The following STXBP5L variants were observed in gnomAD, a reference collection of about 807,000 sequenced individuals.
STXBP5L encodes syntaxin binding protein 5L.
In STXBP5L, 65 loss-of-function variants were observed where a neutral mutation model predicts 144.5. The ratio of observed to expected loss-of-function variants is 0.45; its 90% CI spans 0.37 to 0.55. The LOEUF (loss-of-function observed/expected upper bound fraction) is 0.55, where lower values mean the gene tolerates loss of function less well. Among genes scored for constraint, STXBP5L ranks in the 20% least tolerant of loss-of-function variants. The pLI is 0.00. For synonymous variants in STXBP5L, 505 were observed against 469.6 expected, an observed-to-expected ratio of 1.08 and a Z score of -0.97; for missense variants, 1,298 against 1,405.5, an observed-to-expected ratio of 0.92 and a Z score of 1.22.
chr3:120,962,547 T>C (rs1241414568), intron 3 of STXBP5L, among the ~76,000 whole-genome samples: 1 of 152,150 alleles, frequency 6.6e-6, no homozygotes, highest in Admixed American at 6.5e-5. Context: ...CTTTCCCCAT[T>C]TCGTGTTTTT....
At chr3:121,006,000 G>T (rs1381035804) in intron 3 of STXBP5L, among the ~76,000 whole-genome samples, 1 of 152,128 alleles carries the variant, frequency 6.6e-6, no homozygotes, top group African/African-American at 2.4e-5. Context: ...AATAGGTATG[G>T]TGTGGTGCTG....
At chr3:121,173,843 A>G (rs1053488826) in intron 9 of STXBP5L, among the ~76,000 whole-genome samples, 2 of 152,002 alleles carry the variant, frequency 1.3e-5, no homozygotes, top group South Asian at 2.1e-4. Flanking sequence ...TTTTCTCATA[A>G]TGTCATGACT....
intron 3 of STXBP5L, among the ~76,000 whole-genome samples, chr3:121,014,057 G>T (rs1167950501): frequency 1.3e-5 from 2 of 152,014 alleles, no homozygotes; most frequent in Admixed American, 1.3e-4. Flanking sequence ...CATATAGTTT[G>T]AAGTCAGGTA....
chr3:121,188,854 A>C (rs1042998943), intron 9 of STXBP5L, among the ~76,000 whole-genome samples: 1 of 152,236 alleles, frequency 6.6e-6, no homozygotes, highest in African/African-American at 2.4e-5. Context: ...TCAATATCAT[A>C]CTGAATGGGC....
chr3:121,244,544 T>A (rs1358696175), intron 14 of STXBP5L, among the ~76,000 whole-genome samples: 1 of 151,418 alleles, frequency 6.6e-6, no homozygotes, highest in African/African-American at 2.4e-5. Flanking sequence ...ATTTCCCAAG[T>A]TGGAGGAAAG....
At chr3:121,168,860 G>A (rs938644305) in intron 9 of STXBP5L, among the ~76,000 whole-genome samples, 3 of 152,058 alleles carry the variant, frequency 2.0e-5, no homozygotes, top group Admixed American at 6.6e-5. Flanking sequence ...GATACTCCTC[G>A]AGAAGAGCAT....
At chr3:121,065,254 C>T (rs942000192) in intron 5 of STXBP5L, among the ~76,000 whole-genome samples, 1 of 152,082 alleles carries the variant, frequency 6.6e-6, no homozygotes, top group Non-Finnish European at 1.5e-5. Flanking sequence ...TGGGTATATA[C>T]CCAGTAATGG....
intron 10 of STXBP5L, among the ~76,000 whole-genome samples, chr3:121,222,228 G>T (rs1056315622): frequency 6.6e-6 from 1 of 151,986 alleles, no homozygotes; most frequent in African/African-American, 2.4e-5. Context: ...TTTGAGAAAT[G>T]AAAAATGAAA....
chr3:121,042,006 T>TA (rs923358207), intron 4 of STXBP5L, among the ~76,000 whole-genome samples: 44 of 152,132 alleles, frequency 2.9e-4, no homozygotes, highest in African/African-American at 1.0e-3. Flanking sequence ...TGTTACTATA[T>TA]AGCATAATTT....
At chr3:121,016,038 CA>C (rs2108171988) in intron 3 of STXBP5L, among the ~76,000 whole-genome samples, 1 of 152,274 alleles carries the variant, frequency 6.6e-6, no homozygotes, top group South Asian at 2.1e-4. Flanking sequence ...AAGTCAAGAA[CA>C]AAGGCACAAA....
intron 22 of STXBP5L, among the ~76,000 whole-genome samples, chr3:121,390,905 A>T (rs1409253906): frequency 2.6e-5 from 4 of 151,852 alleles, no homozygotes; most frequent in Admixed American, 2.6e-4. Flanking sequence ...GTCTTCTCGT[A>T]TTTCCTGAAT....
rs189828116 is a variant in STXBP5L, at chr3:121,415,414, T to C, written c.3115-443T>C. On this transcript the variant is annotated intron_variant, in intron 24 of 26. Transcript: ENST00000471454. Reference sequence around the variant, plus strand: ...AAATTATCTTTAATCATTTTATAGTTTTGTACTCCTACAAAAATAGATCCA... The same window carrying C: ...AAATTATCTTTAATCATTTTATAGTCTTGTACTCCTACAAAAATAGATCCA... Among the ~76,000 whole-genome samples the C allele has an allele frequency of 3.2e-3, 486 of 152,276 alleles. 2 individuals carry two copies. Among genetic ancestry groups the C allele is most frequent in the African/African-American group, 0.011 (464 of 41,554 alleles).
intron 9 of STXBP5L, among the ~76,000 whole-genome samples, chr3:121,181,424 T>G (rs984682006): frequency 1.3e-5 from 2 of 152,176 alleles, no homozygotes; most frequent in South Asian, 4.1e-4. Flanking sequence ...AGATACAAAA[T>G]GGCAGAATGG....
chr3:121,404,033 T>C (rs762885533), intron 22 of STXBP5L, among the ~76,000 whole-genome samples: 7 of 152,162 alleles, frequency 4.6e-5, no homozygotes, highest in Non-Finnish European at 8.8e-5. Flanking sequence ...TTTATATTTA[T>C]AGTCTGGACC....
In STXBP5L at chr3:121,091,131, G is replaced by A. The variant is rs980484240; in HGVS notation, c.471-23794G>A. Among the ~76,000 whole-genome samples, 193 of 148,742 alleles carry A rather than the reference G, an allele frequency of 1.3e-3. 3 individuals are homozygous for A. The highest frequency in any genetic ancestry group is 4.7e-3 in the African/African-American group (185 of 39,692). ...ACTCATCATTTTTTATGGCTGCATA[G>A]TATTCCATGGTGTATATGTGCCACA... On this transcript the variant is annotated intron_variant, in intron 5 of 26. Coordinates refer to ENST00000471454, the MANE Select transcript of STXBP5L (RefSeq NM_001308330.2).
At chr3:120,990,985 C>G (rs1942797050) in intron 3 of STXBP5L, among the ~76,000 whole-genome samples, 1 of 152,158 alleles carries the variant, frequency 6.6e-6, no homozygotes. Context: ...CAAATGGGAT[C>G]TAATTAAACT....
intron 9 of STXBP5L, among the ~76,000 whole-genome samples, chr3:121,177,354 T>C (rs2046975899): frequency 6.6e-6 from 1 of 152,140 alleles, no homozygotes; most frequent in Admixed American, 6.6e-5. Flanking sequence ...TTCTAAATTA[T>C]ATATCTCATA....
In STXBP5L at chr3:121,254,964, A is replaced by G. The variant is rs2050158175; in HGVS notation, c.1511A>G (p.Lys504Arg). The G allele has an allele frequency of 1.2e-6, 2 of 1,613,510 alleles. No homozygotes were observed. The highest frequency in any genetic ancestry group is 1.7e-6 in the Non-Finnish European group (2 of 1,179,720). ...VFEKQKVGEG[K>R]QTCEIVEEDP... ...GAAAAACAGAAGGTAGGAGAAGGAA[A>G]ACAAACATGTGAAATTGTAGAGGAA... The change falls in exon 16 of 27, where the codon AAA becomes AGA. Residue 504 changes from lysine (K) to arginine (R), a missense_variant. Coordinates refer to ENST00000471454, the MANE Select transcript of STXBP5L (RefSeq NM_001308330.2).
intron 22 of STXBP5L, among the ~76,000 whole-genome samples, chr3:121,388,517 T>C (rs2046487569): frequency 6.6e-6 from 1 of 152,186 alleles, no homozygotes; most frequent in Non-Finnish European, 1.5e-5. Context: ...CAGCATGATA[T>C]TGGCTGTGGG....
Sources: gnomAD v4.1 joint callset for allele counts (sites outside exome capture counted in the v4.1 genomes callset) on GRCh38, gnomAD v4.1.1 for gene constraint, MANE v1.5 for transcripts, NCBI Gene and HGNC (gene_info 2026-07-23, HGNC 2026-07-21) for gene names.